FKTN: variants seen among roughly 807,000 people sequenced by gnomAD.
FKTN encodes ribitol-5-phosphate transferase FKTN.
Under a neutral mutation model 58.6 loss-of-function variants are expected in FKTN, and 47 were observed. That is an observed-to-expected ratio of 0.80 (90% confidence interval 0.63 to 1.02). The LOEUF is 1.02. FKTN is among the 50% of genes least tolerant of loss of function. The pLI, the probability that FKTN is intolerant of heterozygous loss-of-function variation, is 0.00. For missense variants in FKTN, 516 were observed against 537.3 expected, an observed-to-expected ratio of 0.96 and a Z score of 0.39; for synonymous variants, 178 against 191.9, an observed-to-expected ratio of 0.93 and a Z score of 0.60.
rs542930413 is a variant in FKTN at position 105,635,920 on chromosome 9, C to T, written c.*656C>T. On this transcript the variant is annotated 3_prime_UTR_variant, in exon 11 of 11. Coordinates refer to ENST00000357998, the MANE Select transcript of FKTN (RefSeq NM_001079802.2). ...GGATAAGTAAATTTCTGTACATGTA[C>T]TGTTTTCATATGTGAAGTGAGAAGA... 3 of 988,204 alleles carry T rather than the reference C, an allele frequency of 3.0e-6. No homozygotes were observed. The highest frequency in any genetic ancestry group is 5.9e-5 in the Admixed American group (1 of 17,032). The allele number at this position is 988,204 out of a possible 1,614,324, so 61.2% of individuals were successfully genotyped here.
At chr9:105,569,391 T>G (rs1840330157) in intron 1 of FKTN, among the ~76,000 whole-genome samples, 1 of 152,200 alleles carries the variant, frequency 6.6e-6, no homozygotes, top group East Asian at 1.9e-4. Flanking sequence ...CCTTTTTTCA[T>G]CACAGTTGTG....
At chr9:105,579,728 T>G (rs1842492728) in intron 3 of FKTN, among the ~76,000 whole-genome samples, 1 of 143,490 alleles carries the variant, frequency 7.0e-6, no homozygotes, top group African/African-American at 2.6e-5. Context: ...CCTTGTTGAC[T>G]TTCTGTCTCG....
rs1005208990 is a variant in FKTN, at chr9:105,568,433, A to T, written c.-180-5222A>T. Among the ~76,000 whole-genome samples the T allele has an allele frequency of 6.6e-5, 10 of 152,226 alleles. 1 individual carries two copies. The highest frequency in any genetic ancestry group is 1.0e-4 in the Non-Finnish European group (7 of 68,028). On this transcript the variant is annotated intron_variant, in intron 1 of 10. Coordinates refer to ENST00000357998, the MANE Select transcript of FKTN (RefSeq NM_001079802.2). The stretch of plus-strand genomic sequence containing the variant: ...ATACCCAGAATCTACAAAGAACTCA[A>T]ACAAATTTACAAGAAAAAAACAACC...
intron 3 of FKTN, among the ~76,000 whole-genome samples, chr9:105,578,646 C>T (rs1373013125): frequency 6.6e-6 from 1 of 151,906 alleles, no homozygotes; most frequent in Non-Finnish European, 1.5e-5. Context: ...TTTGTTGAGT[C>T]TCTGCCCGGC....
chr9:105,593,901 T>C (rs1015059956), intron 3 of FKTN, among the ~76,000 whole-genome samples: 1 of 152,172 alleles, frequency 6.6e-6, no homozygotes. Context: ...AGTGAGTTCA[T>C]GGGAGGAGAG....
rs977005355 is a variant in FKTN, at chr9:105,636,195, A to G, written c.*931A>G. The stretch of plus-strand genomic sequence containing the variant: ...TCTGTGCACTCCCAATTTTAATGAC[A>G]CTAAAATATTAATAGAATTTTTTAA... On this transcript the variant is annotated 3_prime_UTR_variant, in exon 11 of 11. Coordinates refer to ENST00000357998, the MANE Select transcript of FKTN (RefSeq NM_001079802.2). 6 of 874,636 alleles carry G rather than the reference A, an allele frequency of 6.9e-6. No homozygotes were observed. The highest frequency in any genetic ancestry group is 5.5e-5 in the African/African-American group (3 of 55,044). The allele number at this position is 874,636 out of a possible 1,614,324, so 54.2% of individuals were successfully genotyped here.
chr9:105,590,938 A>G (rs1165037744), intron 3 of FKTN, among the ~76,000 whole-genome samples: 3 of 152,146 alleles, frequency 2.0e-5, no homozygotes, highest in Non-Finnish European at 4.4e-5. Flanking sequence ...CGCACCTCAC[A>G]TGGCCAGAGC....
chr9:105,602,944 A>G (rs565641516), intron 5 of FKTN, among the ~76,000 whole-genome samples: 12 of 151,860 alleles, frequency 7.9e-5, no homozygotes, highest in African/African-American at 2.9e-4. Context: ...ATAATGAAAG[A>G]CTCCATTTGC....
At chr9:105,619,874 A>G in intron 9 of FKTN, 60 bp from the exon 10 acceptor site, 1 of 1,430,310 alleles carries the variant, frequency 7.0e-7, no homozygotes. Flanking sequence ...TTTTAAAAAA[A>G]GGTTTTTAAA....
At chr9:105,580,356 G>C (rs1320542897) in intron 3 of FKTN, among the ~76,000 whole-genome samples, 4 of 151,400 alleles carry the variant, frequency 2.6e-5, no homozygotes, top group Admixed American at 2.6e-4. Context: ...TTTTAGGGCA[G>C]GCCTGGTGGT....
At position 105,637,603 on chromosome 9, in the gene FKTN, T is replaced by C; in HGVS notation, c.*2339T>C. The C allele has an allele frequency of 1.0e-6, 1 of 985,476 alleles. No individual in the cohort carries two copies. Among genetic ancestry groups the C allele is most frequent in the Non-Finnish European group, 1.2e-6 (1 of 829,942 alleles). 61.0% of individuals were successfully genotyped at this position (985,476 alleles called of 1,614,324 possible). On this transcript the variant is annotated 3_prime_UTR_variant, in exon 11 of 11. Transcript: ENST00000357998. ...AGGTATATCCATCTTCAGTACCTCA[T>C]TGGATCACTTTTCTTTCATCACTTG...
At chr9:105,565,711 C>A (rs1409416853) in intron 1 of FKTN, among the ~76,000 whole-genome samples, 1 of 152,154 alleles carries the variant, frequency 6.6e-6, no homozygotes, top group Non-Finnish European at 1.5e-5. Flanking sequence ...GAGACTTTAA[C>A]ACCCTACTGT....
intron 3 of FKTN, among the ~76,000 whole-genome samples, chr9:105,590,438 G>C (rs530892449): frequency 6.6e-5 from 10 of 152,224 alleles, no homozygotes; most frequent in African/African-American, 2.4e-4. Flanking sequence ...ACGTGAAAAT[G>C]GACTAATACA....
Position 105,604,371 on chromosome 9 carries a change from T to G in FKTN, c.526T>G (p.Phe176Val), listed in dbSNP as rs746813994. The part of the protein sequence containing the change: ...LATHAIHLVV[F>V]HERSGNYLWH... Reference sequence around the variant, plus strand: ...CACTCATGCGATCCACTTGGTAGTCTTTCATGAGAGGAGTGGCAACTACCT... The same window carrying G: ...CACTCATGCGATCCACTTGGTAGTCGTTCATGAGAGGAGTGGCAACTACCT... The change falls in exon 6 of 11, where the codon TTT becomes GTT. Residue 176 changes from phenylalanine (F) to valine (V), a missense_variant. By Grantham distance (50) the Phe-to-Val change is conservative. Coordinates refer to ENST00000357998, the MANE Select transcript of FKTN (RefSeq NM_001079802.2). 10 of 1,614,036 alleles carry G rather than the reference T, an allele frequency of 6.2e-6. No homozygotes were observed. In the East Asian group the frequency reaches 1.1e-4, roughly 18 times the overall value.
intron 8 of FKTN, 107 bp from the exon 9 acceptor site, chr9:105,617,852 C>A: frequency 2.7e-6 from 2 of 749,864 alleles, no homozygotes; most frequent in East Asian, 2.8e-5. Flanking sequence ...GAGACTCTGT[C>A]TCTTTAAAAA....
At chr9:105,559,351 G>A (rs1040603482) in intron 1 of FKTN, among the ~76,000 whole-genome samples, 8 of 152,160 alleles carry the variant, frequency 5.3e-5, no homozygotes, top group Non-Finnish European at 1.2e-4. Context: ...ACTTTCTTCT[G>A]GACTGGGAGA....
chr9:105,572,097 T>C (rs1840833397), intron 1 of FKTN, among the ~76,000 whole-genome samples: 1 of 152,224 alleles, frequency 6.6e-6, no homozygotes, highest in Non-Finnish European at 1.5e-5. Context: ...TTGATTGATA[T>C]TGTTTTCACA....
intron 3 of FKTN, among the ~76,000 whole-genome samples, chr9:105,580,068 G>A (rs1037448238): frequency 7.9e-5 from 12 of 151,862 alleles, no homozygotes; most frequent in African/African-American, 1.7e-4. Context: ...GTCTCTGCAC[G>A]TGAGATGGGT....
Position 105,640,866 on chromosome 9 carries a change from G to C in FKTN, c.*5602G>C, listed in dbSNP as rs1834375530. The stretch of plus-strand genomic sequence containing the variant: ...GGAATAGTTCATATGTTTGTTAAAT[G>C]AAAATCTTATGTAGCTATTTGTGTG... On this transcript the variant is annotated 3_prime_UTR_variant, in exon 11 of 11. Transcript: ENST00000357998. The C allele has an allele frequency of 6.6e-6, 1 of 152,106 alleles. No individual in the cohort carries two copies. Among genetic ancestry groups the C allele is most frequent in the Non-Finnish European group, 1.5e-5 (1 of 68,012 alleles). 9.4% of individuals were successfully genotyped at this position (152,106 alleles called of 1,614,324 possible). A position where few individuals can be genotyped will look rare whatever the true frequency, so the allele number is the denominator to read the frequency against.
Sources: allele counts gnomAD v4.1 joint callset (sites outside exome capture counted in the v4.1 genomes callset), GRCh38; gene constraint gnomAD v4.1.1; transcripts MANE v1.5; gene names NCBI Gene and HGNC (gene_info 2026-07-23, HGNC 2026-07-21).